Variants in PPM1E observed in about 807,000 individuals in gnomAD.
PPM1E encodes protein phosphatase 1E.
PPM1E carries 20 observed loss-of-function variants against 65.9 expected under a neutral mutation model. That is an observed-to-expected ratio of 0.30 (90% confidence interval 0.21 to 0.44). The LOEUF (loss-of-function observed/expected upper bound fraction) is 0.44. Ranked by LOEUF, PPM1E falls within the 20% of genes least tolerant of loss-of-function variation. The pLI is 1.00. For missense variants in PPM1E, 713 were observed against 953.1 expected (o/e 0.75, Z 3.32); for synonymous variants, 352 against 374.9 (o/e 0.94, Z 0.70).
intron 1 of PPM1E, among the ~76,000 whole-genome samples, chr17:58,792,068 T>G (rs1361741788): frequency 2.6e-5 from 4 of 151,936 alleles, no homozygotes; most frequent in Non-Finnish European, 4.4e-5. Context: ...TAGGGTATTT[T>G]TCCTTCTTTC....
chr17:58,817,158 C>A (rs1182318572), intron 1 of PPM1E, among the ~76,000 whole-genome samples: 2 of 152,014 alleles, frequency 1.3e-5, no homozygotes, highest in African/African-American at 4.8e-5. Context: ...TTTGATTTAT[C>A]CATTTATCTG....
At chr17:58,810,948 C>T (rs1436809427) in intron 1 of PPM1E, among the ~76,000 whole-genome samples, 1 of 151,944 alleles carries the variant, frequency 6.6e-6, no homozygotes, top group Admixed American at 6.6e-5. Context: ...ACTTCCACCT[C>T]CCGGGTTCAA....
chr17:58,774,865 T>C (rs932004551), intron 1 of PPM1E, among the ~76,000 whole-genome samples: 16 of 152,016 alleles, frequency 1.1e-4, no homozygotes, highest in African/African-American at 3.9e-4. Flanking sequence ...GTTCTTTTTT[T>C]TTTTTGGAGA....
At chr17:58,946,383 G>A (rs1236497767) in intron 1 of PPM1E, among the ~76,000 whole-genome samples, 1 of 152,060 alleles carries the variant, frequency 6.6e-6, no homozygotes. Context: ...AAAAGCCTTT[G>A]GGTTGTCTTT....
chr17:58,847,669 T>G (rs2050785593), intron 1 of PPM1E, among the ~76,000 whole-genome samples: 1 of 152,240 alleles, frequency 6.6e-6, no homozygotes, highest in South Asian at 2.1e-4. Flanking sequence ...TTTTGGTTAC[T>G]GTAGCCTTGT....
intron 1 of PPM1E, among the ~76,000 whole-genome samples, chr17:58,923,562 A>G (rs528963556): frequency 3.3e-5 from 5 of 152,026 alleles, no homozygotes; most frequent in Admixed American, 1.3e-4. Flanking sequence ...CCTGGCCAAC[A>G]TGGTGAAACC....
intron 1 of PPM1E, among the ~76,000 whole-genome samples, chr17:58,846,620 A>T (rs1598607462): frequency 6.6e-6 from 1 of 152,188 alleles, no homozygotes; most frequent in African/African-American, 2.4e-5. Context: ...TTATGGCTGC[A>T]TAGTATTCCA....
intron 1 of PPM1E, among the ~76,000 whole-genome samples, chr17:58,898,205 T>C (rs533405718): frequency 3.3e-5 from 5 of 151,756 alleles, no homozygotes; most frequent in Non-Finnish European, 5.9e-5. Flanking sequence ...TGAGCTGAGA[T>C]TGTGCCACTG....
chr17:58,915,245 T>G (rs2051671213), intron 1 of PPM1E, among the ~76,000 whole-genome samples: 1 of 152,214 alleles, frequency 6.6e-6, no homozygotes, highest in Non-Finnish European at 1.5e-5. Context: ...GATTATATGC[T>G]AAACAAGGGG....
intron 6 of PPM1E, among the ~76,000 whole-genome samples, chr17:58,974,359 T>C (rs1004035243): frequency 6.6e-6 from 1 of 152,214 alleles, no homozygotes; most frequent in Admixed American, 6.5e-5. Context: ...TACAGTCACC[T>C]GTCAGATAAC....
chr17:58,781,282 A>G (rs2050047438), intron 1 of PPM1E, among the ~76,000 whole-genome samples: 6 of 151,980 alleles, frequency 3.9e-5, no homozygotes, highest in Admixed American at 3.3e-4. Flanking sequence ...CTGGGATTAC[A>G]GGCATCTGCC....
chr17:58,955,849 C>T, intron 2 of PPM1E, 82 bp downstream of exon 2: 1 of 1,415,434 alleles, frequency 7.1e-7, no homozygotes, highest in Non-Finnish European at 9.4e-7. Flanking sequence ...CTGCAAAATA[C>T]TAAATCTAAT....
chr17:58,848,257 C>A (rs982591189), intron 1 of PPM1E, among the ~76,000 whole-genome samples: 1 of 152,056 alleles, frequency 6.6e-6, no homozygotes, highest in African/African-American at 2.4e-5. Flanking sequence ...TAATTGAATA[C>A]GCTTTATTTC....
chr17:58,799,733 T>C (rs984182775), intron 1 of PPM1E, among the ~76,000 whole-genome samples: 2 of 152,046 alleles, frequency 1.3e-5, no homozygotes, highest in South Asian at 2.1e-4. Flanking sequence ...CATGAGCCAC[T>C]GCACCTTGCC....
chr17:58,834,279 T>C (rs2050633179), intron 1 of PPM1E, among the ~76,000 whole-genome samples: 1 of 152,194 alleles, frequency 6.6e-6, no homozygotes, highest in Admixed American at 6.5e-5. Context: ...AGGGATTTCC[T>C]TATTGATTCT....
chr17:58,909,498 T>TC (rs552805846), intron 1 of PPM1E, among the ~76,000 whole-genome samples: 92 of 152,148 alleles, frequency 6.0e-4, no homozygotes, highest in Non-Finnish European at 1.1e-3. Flanking sequence ...CCTCAACTGA[T>TC]CCCCCCATAG....
At chr17:58,780,404 G>T (rs2050039476) in intron 1 of PPM1E, among the ~76,000 whole-genome samples, 1 of 152,210 alleles carries the variant, frequency 6.6e-6, no homozygotes, top group African/African-American at 2.4e-5. Context: ...GGAGGCTGAG[G>T]TGGGAGGATC....
chr17:58,772,626 C>G (rs1211496586), intron 1 of PPM1E, among the ~76,000 whole-genome samples: 1 of 152,074 alleles, frequency 6.6e-6, no homozygotes. Flanking sequence ...AGAGACATTA[C>G]CATGTGCAAA....
rs201186780 is a variant in PPM1E at position 58,756,096 on chromosome 17, GGAACCCGAACCC to G, written c.120_131del (p.Pro41_Glu44del). 1.0e-4 allele frequency: 159 copies of G among 1,597,710 alleles called. No individual in the cohort carries two copies. The highest frequency in any genetic ancestry group is 2.0e-4 in the South Asian group (18 of 89,038). On this transcript the variant is annotated inframe_deletion, in exon 1 of 7. Transcript: ENST00000308249. The stretch of plus-strand genomic sequence containing the variant: ...CGTGCGGCGGCGGCGAGCCGGAGCC[GGAACCCGAACCC>G]GAACCCGAACCCGAACCCGAGTCCG...
Sources: allele counts gnomAD v4.1 joint callset (sites outside exome capture counted in the v4.1 genomes callset), GRCh38; gene constraint gnomAD v4.1.1; transcripts MANE v1.5; gene names NCBI Gene and HGNC (gene_info 2026-07-23, HGNC 2026-07-21).